Variants in WDR72 observed in about 807,000 individuals in gnomAD.
The protein encoded by WDR72 is WD repeat domain 72.
In WDR72, 120 loss-of-function variants were observed where a neutral mutation model predicts 124.2. The ratio of observed to expected loss-of-function variants is 0.97; its 90% CI spans 0.83 to 1.12. WDR72 has a LOEUF of 1.12. WDR72 is among the 50% of genes most tolerant of loss of function. WDR72 has a pLI of 0.00. For missense variants in WDR72, 1,387 were observed against 1,278.8 expected, an observed-to-expected ratio of 1.08 and a Z score of -1.29; for synonymous variants, 452 against 441.7, an observed-to-expected ratio of 1.02 and a Z score of -0.29.
At chr15:53,561,524 G>A (rs1411711678) in intron 18 of WDR72, among the ~76,000 whole-genome samples, 1 of 151,758 alleles carries the variant, frequency 6.6e-6, no homozygotes, top group Admixed American at 6.6e-5. Flanking sequence ...GGAGGAAAAT[G>A]ATTAATTTCT....
intron 1 of WDR72, among the ~76,000 whole-genome samples, chr15:53,747,938 T>C (rs1384393241): frequency 6.6e-6 from 1 of 152,108 alleles, no homozygotes; most frequent in African/African-American, 2.4e-5. Context: ...AGTGGATATG[T>C]ATTTAGCTTA....
intron 1 of WDR72, among the ~76,000 whole-genome samples, chr15:53,748,634 G>A (rs1431412537): frequency 6.6e-6 from 1 of 152,014 alleles, no homozygotes; most frequent in African/African-American, 2.4e-5. Flanking sequence ...CTTAGTTGAT[G>A]ATCCTTTCTT....
intron 19 of WDR72, 147 bp from the exon 20 acceptor site, chr15:53,517,901 G>GAAGA: frequency 4.0e-6 from 3 of 757,658 alleles, no homozygotes; most frequent in Non-Finnish European, 6.7e-6. Flanking sequence ...AGAAAGAAAG[G>GAAGA]AAGAAAGGTA....
At chr15:53,521,586 T>C (rs570197978) in intron 19 of WDR72, among the ~76,000 whole-genome samples, 72 of 152,100 alleles carry the variant, frequency 4.7e-4, no homozygotes, top group Non-Finnish European at 7.2e-4. Flanking sequence ...TCTTTCTTTC[T>C]TGATAAACAC....
chr15:53,739,921 A>G (rs1233993779), intron 1 of WDR72, among the ~76,000 whole-genome samples: 1 of 152,148 alleles, frequency 6.6e-6, no homozygotes, highest in Non-Finnish European at 1.5e-5. Context: ...TTACCTAGGA[A>G]ACTAGTCAAA....
At chr15:53,666,056 T>C (rs1221527223) in intron 13 of WDR72, among the ~76,000 whole-genome samples, 2 of 152,232 alleles carry the variant, frequency 1.3e-5, no homozygotes, top group African/African-American at 4.8e-5. Flanking sequence ...TTACTTATTA[T>C]ACAGTTGCAA....
intron 14 of WDR72, among the ~76,000 whole-genome samples, chr15:53,654,108 TTAATTA>T (rs2015334730): frequency 6.6e-6 from 1 of 152,150 alleles, no homozygotes; most frequent in African/African-American, 2.4e-5. Flanking sequence ...GAAGAAACTT[TTAATTA>T]TAATATGATG....
Position 53,523,276 on chromosome 15 carries a change from G to T in WDR72, c.3195C>A (p.Asn1065Lys), listed in dbSNP as rs772853352. The T allele has an allele frequency of 2.2e-5, 36 of 1,613,118 alleles. No individual in the cohort carries two copies. Among genetic ancestry groups the T allele is most frequent in the Non-Finnish European group, 3.1e-5 (36 of 1,179,436 alleles). The part of the protein sequence containing the change: ...VKHDSNSNSA[N>K]FQDVEDMPDR... ...CAGGCATGTCCTCCACGTCTTGGAAGTTTGCCGAGTTTGAGTTGCTGTCAT... is the reference window on the plus strand; with the variant it reads ...CAGGCATGTCCTCCACGTCTTGGAATTTTGCCGAGTTTGAGTTGCTGTCAT... Residue 1065 changes from asparagine to lysine, a missense_variant, in exon 19 of 20, where the codon AAC becomes AAA. Transcript: ENST00000360509.
Position 53,701,949 on chromosome 15 carries a change from A to C in WDR72, c.1569+185T>G, listed in dbSNP as rs551543954. On this transcript the variant is annotated intron_variant, in intron 12 of 19. Coordinates refer to ENST00000360509, the MANE Select transcript of WDR72 (RefSeq NM_182758.4). ...TATCCGTCTAATGTAAGTTATAATA[A>C]TACTACAATTCATATAGAAAGATTA... 4.6e-5 allele frequency among the ~76,000 whole-genome samples: 7 copies of C among 152,286 alleles called. No individual in the cohort carries two copies. The South Asian group carries it at 1.0e-3, about 23-fold the overall frequency.
intron 13 of WDR72, among the ~76,000 whole-genome samples, chr15:53,682,815 G>T (rs2016443898): frequency 6.6e-6 from 1 of 151,972 alleles, no homozygotes; most frequent in Non-Finnish European, 1.5e-5. Flanking sequence ...ATATTTTCAG[G>T]TTATCTTTAT....
intron 13 of WDR72, among the ~76,000 whole-genome samples, chr15:53,672,371 A>T (rs767624503): frequency 5.3e-5 from 8 of 151,956 alleles, no homozygotes; most frequent in Non-Finnish European, 8.8e-5. Context: ...GGAGACGAGC[A>T]TAAACCCCTG....
At chr15:53,550,187 G>A (rs1301698254) in intron 18 of WDR72, among the ~76,000 whole-genome samples, 2 of 152,098 alleles carry the variant, frequency 1.3e-5, no homozygotes, top group Admixed American at 1.3e-4. Flanking sequence ...CCAGGGATTG[G>A]CAAATGTTTT....
At chr15:53,574,467 C>T (rs1320503570) in intron 18 of WDR72, among the ~76,000 whole-genome samples, 1 of 152,072 alleles carries the variant, frequency 6.6e-6, no homozygotes, top group Non-Finnish European at 1.5e-5. Flanking sequence ...AACTTATGTT[C>T]TTCAATTATA....
At chr15:53,688,271 T>C (rs2016712709) in intron 13 of WDR72, among the ~76,000 whole-genome samples, 1 of 149,226 alleles carries the variant, frequency 6.7e-6, no homozygotes, top group Non-Finnish European at 1.5e-5. Flanking sequence ...GGAAGTCAAA[T>C]TGTCCCTGTT....
At chr15:53,761,291 G>A (rs1025776753), upstream of WDR72, among the ~76,000 whole-genome samples, 6 of 152,024 alleles carry the variant, frequency 3.9e-5, no homozygotes, top group South Asian at 4.1e-4. Flanking sequence ...AAATTCAAAC[G>A]GCTCATATCC....
At chr15:53,598,361 C>G (rs1463761033) in intron 17 of WDR72, among the ~76,000 whole-genome samples, 2 of 152,068 alleles carry the variant, frequency 1.3e-5, no homozygotes, top group Non-Finnish European at 2.9e-5. Flanking sequence ...CACCACTGGA[C>G]CCCTCCATTA....
intron 1 of WDR72, among the ~76,000 whole-genome samples, chr15:53,751,689 A>T (rs2018777938): frequency 6.6e-6 from 1 of 152,064 alleles, no homozygotes; most frequent in South Asian, 2.1e-4. Flanking sequence ...TGGTTTTGTG[A>T]CCCAATGAGC....
At chr15:53,578,629 G>A (rs1332964750) in intron 18 of WDR72, among the ~76,000 whole-genome samples, 1 of 152,068 alleles carries the variant, frequency 6.6e-6, no homozygotes, top group Non-Finnish European at 1.5e-5. Context: ...AATAAGACTA[G>A]AGAGACATCC....
chr15:53,619,562 T>C (rs78980816), intron 14 of WDR72, among the ~76,000 whole-genome samples: 2,369 of 152,118 alleles, frequency 0.016, 42 homozygotes, highest in East Asian at 0.07. Context: ...TCTCTTCTTG[T>C]GTGAAAAATA....
Sources: allele counts gnomAD v4.1 joint callset (sites outside exome capture counted in the v4.1 genomes callset), GRCh38; gene constraint gnomAD v4.1.1; transcripts MANE v1.5; gene names NCBI Gene and HGNC (gene_info 2026-07-23, HGNC 2026-07-21).